Variants in SUPT3H observed in about 807,000 individuals in gnomAD.
SUPT3H encodes the protein SPT3 homolog, SAGA and STAGA complex component.
A neutral mutation model predicts 44.3 loss-of-function variants in SUPT3H; 44 were observed. The observed-to-expected ratio is 0.99, with a 90% CI of 0.78 to 1.28. The LOEUF is 1.28. Among genes scored for constraint, SUPT3H ranks in the 50% most tolerant of loss-of-function variants. SUPT3H has a pLI of 0.00. For synonymous variants in SUPT3H, 124 were observed against 125.6 expected (o/e 0.99, Z 0.09); for missense variants, 380 against 387.1 (o/e 0.98, Z 0.15).
intron 3 of SUPT3H, among the ~76,000 whole-genome samples, chr6:45,041,489 T>A (rs1413089508): frequency 6.6e-6 from 1 of 152,056 alleles, no homozygotes; most frequent in Non-Finnish European, 1.5e-5. Flanking sequence ...GAAAGAGAAA[T>A]AAGAATGAAC....
intron 2 of SUPT3H, among the ~76,000 whole-genome samples, chr6:45,364,274 A>G (rs1040749977): frequency 5.3e-5 from 8 of 152,298 alleles, no homozygotes; most frequent in Admixed American, 3.9e-4. Context: ...TCAATATTGT[A>G]TAAAGTAAGT....
At chr6:45,080,046 C>CCATCTCA (rs1360288077) in intron 3 of SUPT3H, among the ~76,000 whole-genome samples, 1 of 152,120 alleles carries the variant, frequency 6.6e-6, no homozygotes, top group East Asian at 1.9e-4. Flanking sequence ...TGTAAACTAT[C>CCATCTCA]CATCTCACAA....
intron 10 of SUPT3H, among the ~76,000 whole-genome samples, chr6:44,911,397 T>C (rs1767023145): frequency 6.6e-6 from 1 of 152,206 alleles, no homozygotes; most frequent in Non-Finnish European, 1.5e-5. Flanking sequence ...AGAATGTCAC[T>C]GTTATTGACA....
rs765270979 is a variant in SUPT3H, at chr6:45,230,660, G to GCATATATATATATATATATATATATATA, written c.102-124655_102-124654insTATATATATATATATATATATATATATG. Among the ~76,000 whole-genome samples the GCATATATATATATATATATATATATATA allele has an allele frequency of 4.9e-3, 250 of 51,012 alleles. 42 individuals are homozygous for GCATATATATATATATATATATATATATA. The highest frequency in any genetic ancestry group is 9.7e-3 in the South Asian group (10 of 1,028). The allele number at this position is 51,012 out of a possible 152,430, so 33.5% of individuals were successfully genotyped here. On this transcript the variant is annotated intron_variant, in intron 2 of 10. Transcript: ENST00000371459. ...TGAAATCATGTTTTAAATTCATTCA[G>GCATATATATATATATATATATATATATA]TCTATATATATATATATATATATAT...
intron 10 of SUPT3H, among the ~76,000 whole-genome samples, chr6:44,849,516 C>T (rs748630093): frequency 5.3e-5 from 8 of 152,130 alleles, no homozygotes; most frequent in East Asian, 1.9e-4. Context: ...CGTGAGCCAC[C>T]GCGCCCGGCC....
At chr6:44,813,926 G>C (rs996373023) in intron 11 of SUPT3H, among the ~76,000 whole-genome samples, 3 of 151,872 alleles carry the variant, frequency 2.0e-5, no homozygotes, top group Non-Finnish European at 4.4e-5. Context: ...AATATTTGAA[G>C]AAAAGTGGAT....
At chr6:45,204,268 G>GAAGAAGAAGAAGAAGAAGAAGAAA in intron 2 of SUPT3H, among the ~76,000 whole-genome samples, 1 of 151,810 alleles carries the variant, frequency 6.6e-6, no homozygotes, top group East Asian at 1.9e-4. Context: ...AGAAGAAGAA[G>GAAGAAGAAGAAGAAGAAGAAGAAA]AAGAAGAAGA....
intron 2 of SUPT3H, among the ~76,000 whole-genome samples, chr6:45,134,236 A>G (rs1188904107): frequency 3.9e-5 from 6 of 152,158 alleles, no homozygotes; most frequent in Non-Finnish European, 7.4e-5. Flanking sequence ...CACTATTATA[A>G]CACTCTCATG....
chr6:45,168,416 T>G (rs1810258659), intron 2 of SUPT3H, among the ~76,000 whole-genome samples: 1 of 152,040 alleles, frequency 6.6e-6, no homozygotes, highest in African/African-American at 2.4e-5. Context: ...TTTCCTTGAG[T>G]GTCACATTGG....
intron 3 of SUPT3H, among the ~76,000 whole-genome samples, chr6:45,103,866 G>A (rs1798920672): frequency 6.6e-6 from 1 of 152,102 alleles, no homozygotes; most frequent in Admixed American, 6.5e-5. Flanking sequence ...ACATACAGGG[G>A]AACAAATGAA....
chr6:44,916,530 T>A (rs10484627), intron 10 of SUPT3H, among the ~76,000 whole-genome samples: 51,014 of 152,002 alleles, frequency 0.34, 9,507 homozygotes, highest in Admixed American at 0.41. Context: ...TCTCAAGATA[T>A]TCTGAAAGGT....
chr6:45,181,171 A>G (rs1813098011), intron 2 of SUPT3H, among the ~76,000 whole-genome samples: 1 of 126,128 alleles, frequency 7.9e-6, no homozygotes, highest in Non-Finnish European at 1.7e-5. Flanking sequence ...ATGAGATACC[A>G]TCTCACACCA....
At chr6:45,165,426 G>A (rs930508133) in intron 2 of SUPT3H, among the ~76,000 whole-genome samples, 3 of 152,072 alleles carry the variant, frequency 2.0e-5, no homozygotes, top group Admixed American at 2.0e-4. Flanking sequence ...AATCTATACT[G>A]TTCATTTAAA....
intron 9 of SUPT3H, among the ~76,000 whole-genome samples, chr6:44,950,049 G>A (rs1774040448): frequency 6.6e-6 from 1 of 152,194 alleles, no homozygotes; most frequent in African/African-American, 2.4e-5. Flanking sequence ...TCACCAACAT[G>A]AGAATGCATA....
At chr6:45,234,538 A>G (rs1452537811) in intron 2 of SUPT3H, among the ~76,000 whole-genome samples, 2 of 151,546 alleles carry the variant, frequency 1.3e-5, no homozygotes, top group South Asian at 2.1e-4. Flanking sequence ...CACAAAAAAA[A>G]AAAAAAAAAG....
At chr6:45,038,110 C>A (rs544855483) in intron 3 of SUPT3H, among the ~76,000 whole-genome samples, 1 of 152,168 alleles carries the variant, frequency 6.6e-6, no homozygotes, top group South Asian at 2.1e-4. Context: ...TGACGACATC[C>A]ATGACAAATC....
intron 2 of SUPT3H, among the ~76,000 whole-genome samples, chr6:45,334,578 C>T (rs1788174945): frequency 6.6e-6 from 1 of 150,704 alleles, no homozygotes. Context: ...TGATATTCCA[C>T]AGAACTTCAC....
chr6:45,226,002 T>G (rs1222366094), intron 2 of SUPT3H, among the ~76,000 whole-genome samples: 1 of 152,130 alleles, frequency 6.6e-6, no homozygotes, highest in African/African-American at 2.4e-5. Flanking sequence ...ACCTAAACAC[T>G]GTCATCTTCA....
At chr6:45,126,306 C>T (rs1802421977) in intron 2 of SUPT3H, among the ~76,000 whole-genome samples, 1 of 152,238 alleles carries the variant, frequency 6.6e-6, no homozygotes, top group Non-Finnish European at 1.5e-5. Flanking sequence ...AAATGTCCTC[C>T]CTTGAGAATT....
Sources: gnomAD v4.1 joint callset for allele counts (sites outside exome capture counted in the v4.1 genomes callset) on GRCh38, gnomAD v4.1.1 for gene constraint, MANE v1.5 for transcripts, NCBI Gene and HGNC (gene_info 2026-07-23, HGNC 2026-07-21) for gene names.